NKAIN3: variants seen among roughly 807,000 people sequenced by gnomAD.
The protein encoded by NKAIN3 is sodium/potassium transporting ATPase interacting 3.
In NKAIN3, 25 loss-of-function variants were observed where a neutral mutation model predicts 30.2. The observed-to-expected ratio is 0.83, with a 90% CI of 0.60 to 1.16. NKAIN3 has a LOEUF of 1.16. NKAIN3 is among the 50% of genes most tolerant of loss of function. The pLI, the probability that NKAIN3 is intolerant of heterozygous loss-of-function variation, is 0.00. For synonymous variants in NKAIN3, 91 were observed against 89.6 expected, an observed-to-expected ratio of 1.02 and a Z score of -0.09; for missense variants, 225 against 254.1, an observed-to-expected ratio of 0.89 and a Z score of 0.78.
chr8:62,466,249 T>C (rs1806159767), intron 1 of NKAIN3, among the ~76,000 whole-genome samples: 1 of 152,162 alleles, frequency 6.6e-6, no homozygotes. Flanking sequence ...CCTCAAGTAA[T>C]AGTTTAATAT....
intron 1 of NKAIN3, among the ~76,000 whole-genome samples, chr8:62,479,894 A>T (rs1391412223): frequency 6.6e-5 from 10 of 152,242 alleles, no homozygotes; most frequent in Non-Finnish European, 5.9e-5. Flanking sequence ...GTAGACAATA[A>T]GGAAACAAGT....
intron 5 of NKAIN3, among the ~76,000 whole-genome samples, chr8:62,991,614 A>G (rs764687737): frequency 6.6e-6 from 1 of 152,192 alleles, no homozygotes; most frequent in Non-Finnish European, 1.5e-5. Flanking sequence ...TGTAGAAATG[A>G]CTTCATTAAG....
At chr8:62,271,604 T>A (rs182326191) in intron 1 of NKAIN3, among the ~76,000 whole-genome samples, 4 of 152,284 alleles carry the variant, frequency 2.6e-5, no homozygotes, top group Admixed American at 2.6e-4. Flanking sequence ...GTACCAACAA[T>A]AAATAGACTC....
chr8:62,496,082 A>T (rs1269006011), intron 1 of NKAIN3, among the ~76,000 whole-genome samples: 2 of 152,126 alleles, frequency 1.3e-5, no homozygotes, highest in Non-Finnish European at 2.9e-5. Flanking sequence ...TTTTATTAAG[A>T]TCATCATGCC....
At chr8:62,355,196 C>A (rs1037198408) in intron 1 of NKAIN3, among the ~76,000 whole-genome samples, 2 of 152,188 alleles carry the variant, frequency 1.3e-5, no homozygotes, top group African/African-American at 2.4e-5. Flanking sequence ...GGGTTCTTTT[C>A]ACATCATTAT....
chr8:62,821,484 C>T (rs1299954741), intron 4 of NKAIN3, among the ~76,000 whole-genome samples: 1 of 152,084 alleles, frequency 6.6e-6, no homozygotes, highest in Non-Finnish European at 1.5e-5. Flanking sequence ...CTGGCTGGTG[C>T]TTTCCATTAG....
rs542825283 is a variant in NKAIN3, at chr8:62,967,079, T to A, written c.*1672T>A. Among the ~76,000 whole-genome samples the A allele has an allele frequency of 6.6e-6, 1 of 152,282 alleles. No individual in the cohort carries two copies. The highest frequency in any genetic ancestry group is 1.9e-4 in the East Asian group (1 of 5,174). Reference sequence around the variant, plus strand: ...TGGTACCCACAAACTCCCATTACTTTTTTTTCTGCTTAATAAATCCAAATT... The same window carrying A: ...TGGTACCCACAAACTCCCATTACTTATTTTTCTGCTTAATAAATCCAAATT... On this transcript the variant is annotated 3_prime_UTR_variant, in exon 7 of 7. Transcript: ENST00000623646.
chr8:62,795,989 T>C (rs1388114723), intron 4 of NKAIN3, among the ~76,000 whole-genome samples: 3 of 152,094 alleles, frequency 2.0e-5, no homozygotes, highest in African/African-American at 7.2e-5. Context: ...AAAGACCCTT[T>C]TTAAAAGTGT....
At chr8:62,811,066 A>G (rs1818470376) in intron 4 of NKAIN3, among the ~76,000 whole-genome samples, 1 of 151,530 alleles carries the variant, frequency 6.6e-6, no homozygotes, top group African/African-American at 2.4e-5. Flanking sequence ...TCCCAACCCC[A>G]CCCTTGATCT....
intron 3 of NKAIN3, among the ~76,000 whole-genome samples, chr8:62,650,433 A>C (rs1307571524): frequency 6.6e-6 from 1 of 152,160 alleles, no homozygotes; most frequent in Non-Finnish European, 1.5e-5. Flanking sequence ...GCAGTGAAAA[A>C]ACACATTCCT....
At chr8:62,758,320 T>C (rs1006149160) in intron 4 of NKAIN3, among the ~76,000 whole-genome samples, 5 of 152,238 alleles carry the variant, frequency 3.3e-5, no homozygotes, top group African/African-American at 9.6e-5. Flanking sequence ...TTGAAAGTTG[T>C]ATAAGGTCTG....
chr8:62,435,871 A>G (rs1290784277), intron 1 of NKAIN3, among the ~76,000 whole-genome samples: 1 of 152,160 alleles, frequency 6.6e-6, no homozygotes, highest in Admixed American at 6.6e-5. Flanking sequence ...TGTAGACAAA[A>G]TCTGTTTTGT....
chr8:62,308,413 A>G (rs1169909084), intron 1 of NKAIN3, among the ~76,000 whole-genome samples: 2 of 150,484 alleles, frequency 1.3e-5, no homozygotes, highest in African/African-American at 2.5e-5. Context: ...CCTTAATTCA[A>G]TTTAAGGAAT....
chr8:62,870,697 A>ATATATCTATGTCTC, intron 4 of NKAIN3, among the ~76,000 whole-genome samples: 1 of 107,836 alleles, frequency 9.3e-6, no homozygotes, highest in South Asian at 3.0e-4. Flanking sequence ...CTCTCTATCT[A>ATATATCTATGTCTC]TATATCTATA....
rs1469073180 is a variant in NKAIN3 at position 62,980,998 on chromosome 8, C to T, written c.*15591C>T. The T allele has an allele frequency of 6.6e-6, 1 of 152,140 alleles. No individual in the cohort carries two copies. Among genetic ancestry groups the T allele is most frequent in the African/African-American group, 2.4e-5 (1 of 41,424 alleles). The allele number at this position is 152,140 out of a possible 1,614,324, so 9.4% of individuals were successfully genotyped here. A position where few individuals can be genotyped will look rare whatever the true frequency, so the allele number is the denominator to read the frequency against. Reference sequence around the variant, plus strand: ...GTAAATTTCTCTTTGTGTTCCTAGGCCCACAAAGTCTTTGGTCTGAAGACT... The same window carrying T: ...GTAAATTTCTCTTTGTGTTCCTAGGTCCACAAAGTCTTTGGTCTGAAGACT... On this transcript the variant is annotated 3_prime_UTR_variant, in exon 7 of 7. Coordinates refer to ENST00000623646, the MANE Select transcript of NKAIN3 (RefSeq NM_001304533.3).
intron 3 of NKAIN3, among the ~76,000 whole-genome samples, chr8:62,682,993 C>G (rs1237722230): frequency 6.6e-6 from 1 of 151,918 alleles, no homozygotes; most frequent in Non-Finnish European, 1.5e-5. Flanking sequence ...TAGTAATTTG[C>G]CAATTATGTG....
At chr8:62,598,599 T>G (rs1384563532) in intron 3 of NKAIN3, among the ~76,000 whole-genome samples, 1 of 152,024 alleles carries the variant, frequency 6.6e-6, no homozygotes, top group Non-Finnish European at 1.5e-5. Flanking sequence ...ATAGGGGCAG[T>G]GCAGATGCAT....
At chr8:62,934,403 G>A (rs369522127) in intron 5 of NKAIN3, among the ~76,000 whole-genome samples, 2 of 151,568 alleles carry the variant, frequency 1.3e-5, no homozygotes, top group East Asian at 3.9e-4. Flanking sequence ...GCAGACTAAA[G>A]TAAGAAAAAT....
chr8:62,429,987 A>G (rs1349998361), intron 1 of NKAIN3, among the ~76,000 whole-genome samples: 4 of 151,854 alleles, frequency 2.6e-5, no homozygotes, highest in Admixed American at 1.3e-4. Context: ...CCCATTGAAC[A>G]TTAACTTTCC....
Sources: gnomAD v4.1 joint callset for allele counts (sites outside exome capture counted in the v4.1 genomes callset) on GRCh38, gnomAD v4.1.1 for gene constraint, MANE v1.5 for transcripts, NCBI Gene and HGNC (gene_info 2026-07-23, HGNC 2026-07-21) for gene names.